Variants in GSAP observed in about 807,000 individuals in gnomAD.
GSAP encodes the protein gamma-secretase-activating protein.
A neutral mutation model predicts 131.7 loss-of-function variants in GSAP; 118 were observed. The observed-to-expected ratio is 0.90, with a 90% CI of 0.77 to 1.04. The LOEUF (loss-of-function observed/expected upper bound fraction) is 1.04, where lower values mean the gene tolerates loss of function less well. Ranked by LOEUF, GSAP falls within the 50% of genes least tolerant of loss-of-function variation. The pLI is 0.00. For synonymous variants in GSAP, 381 were observed against 363.4 expected (o/e 1.05, Z -0.55); for missense variants, 1,019 against 1,013.2 (o/e 1.01, Z -0.08).
chr7:77,398,431 A>C (rs1189860012), intron 3 of GSAP, among the ~76,000 whole-genome samples: 1 of 152,188 alleles, frequency 6.6e-6, no homozygotes, highest in African/African-American at 2.4e-5. Flanking sequence ...TACTAAGAAG[A>C]ATCTAATTCT....
At chr7:77,367,908 T>C (rs1002829464) in intron 12 of GSAP, among the ~76,000 whole-genome samples, 2 of 152,204 alleles carry the variant, frequency 1.3e-5, no homozygotes, top group African/African-American at 4.8e-5. Flanking sequence ...AGGGAATCAA[T>C]TTCTTCCTGG....
In GSAP at chr7:77,330,270, C is replaced by T. The variant is rs1398120845; in HGVS notation, c.1643G>A (p.Arg548Lys). The T allele has an allele frequency of 1.9e-6, 3 of 1,613,582 alleles. No individual in the cohort carries two copies. In the Admixed American group the frequency reaches 5.0e-5, roughly 27 times the overall value. The change falls in exon 20 of 31, where the codon AGG becomes AAG. Residue 548 changes from arginine to lysine, a missense_variant. Arg to Lys is a conservative substitution (Grantham distance 26). Transcript: ENST00000257626. ...PHFHYNNSVV[R>K]REWHNLISEE... ...AGAGATCAGGTTGTGCCACTCTCTC[C>T]TGACCACACTGTTGTTATAGTGGAA... is the stretch of plus-strand genomic sequence containing the variant.
At chr7:77,394,178 A>C (rs1236903841) in intron 5 of GSAP, among the ~76,000 whole-genome samples, 2 of 152,086 alleles carry the variant, frequency 1.3e-5, no homozygotes, top group Non-Finnish European at 2.9e-5. Context: ...ATCTCTTCCA[A>C]TTTTACTAGG....
At chr7:77,320,591 A>G in intron 26 of GSAP, 134 bp downstream of exon 26, 1 of 631,290 alleles carries the variant, frequency 1.6e-6, no homozygotes, top group East Asian at 2.7e-5. Flanking sequence ...AGGGCCCATC[A>G]CTCACAGTAA....
intron 1 of GSAP, among the ~76,000 whole-genome samples, chr7:77,407,879 T>C (rs1174358580): frequency 6.6e-6 from 1 of 152,212 alleles, no homozygotes; most frequent in African/African-American, 2.4e-5. Context: ...AAGTGAAGAA[T>C]GAATAAATTG....
At chr7:77,381,991 T>C (rs61238375) in intron 7 of GSAP, among the ~76,000 whole-genome samples, 42 of 150,038 alleles carry the variant, frequency 2.8e-4, no homozygotes, top group African/African-American at 1.0e-3. Flanking sequence ...AACTATAAAC[T>C]AGCAGTTTCA....
intron 1 of GSAP, among the ~76,000 whole-genome samples, chr7:77,413,901 T>C: frequency 6.6e-6 from 1 of 152,132 alleles, no homozygotes; most frequent in Non-Finnish European, 1.5e-5. Context: ...GTTAAAATAT[T>C]CTTTTATGTA....
chr7:77,355,242 C>A lies in GSAP; in HGVS notation c.1309G>T (p.Gly437Cys), dbSNP rs772643433. 2 of 1,613,558 alleles carry A rather than the reference C, an allele frequency of 1.2e-6. No individual in the cohort carries two copies. The highest frequency in any genetic ancestry group is 1.7e-5 in the Admixed American group (1 of 59,998). ...MAALHCALYCGQGAQFLEAQI... is the reference protein window; with the variant it reads ...MAALHCALYCCQGAQFLEAQI... ...GCTTCCAGGAACTGCGCACCTTGAC[C>A]GCAGTAGAGCGCGCAGTGCAACGCA... Residue 437 changes from glycine (G) to cysteine (C), a missense_variant, in exon 16 of 31, where the codon GGT becomes TGT. Coordinates refer to ENST00000257626, the MANE Select transcript of GSAP (RefSeq NM_017439.4).
chr7:77,404,125 C>G (rs1293060857), intron 3 of GSAP, among the ~76,000 whole-genome samples: 1 of 152,210 alleles, frequency 6.6e-6, no homozygotes, highest in Admixed American at 6.5e-5. Flanking sequence ...AAGCAGCACA[C>G]AGGGCACAAG....
chr7:77,389,520 G>A (rs1352849166), intron 5 of GSAP, among the ~76,000 whole-genome samples: 1 of 148,762 alleles, frequency 6.7e-6, no homozygotes, highest in Admixed American at 6.8e-5. Flanking sequence ...ACCTATGAGT[G>A]AGAACACGCG....
intron 19 of GSAP, among the ~76,000 whole-genome samples, chr7:77,334,880 C>G (rs987207948): frequency 6.6e-6 from 1 of 150,922 alleles, no homozygotes. Context: ...GTCAGGAGAT[C>G]GAGACCTTCC....
chr7:77,346,944 C>G (rs1351410871), intron 19 of GSAP, among the ~76,000 whole-genome samples: 1 of 148,236 alleles, frequency 6.7e-6, no homozygotes, highest in Admixed American at 6.8e-5. Flanking sequence ...ACCACCACCC[C>G]CCGCCCCACC....
intron 8 of GSAP, among the ~76,000 whole-genome samples, chr7:77,379,440 T>C (rs1797463435): frequency 6.6e-6 from 1 of 151,890 alleles, no homozygotes; most frequent in South Asian, 2.1e-4. Context: ...CCTTTAAGAA[T>C]GAAGGCAGAA....
chr7:77,379,160 G>A (rs776182317), intron 8 of GSAP, among the ~76,000 whole-genome samples: 8 of 151,946 alleles, frequency 5.3e-5, no homozygotes, highest in East Asian at 1.9e-4. Flanking sequence ...TCTGAGAACC[G>A]TTCCAGGTAA....
At chr7:77,327,150 C>CT (rs1258589465) in intron 22 of GSAP, 3 of 152,204 alleles carry the variant, frequency 2.0e-5, no homozygotes, top group Non-Finnish European at 2.9e-5. Flanking sequence ...CAGTGACATT[C>CT]TTTATGGGGA....
intron 7 of GSAP, among the ~76,000 whole-genome samples, chr7:77,381,705 CAG>C (rs1004566967): frequency 3.9e-5 from 6 of 152,072 alleles, no homozygotes; most frequent in Non-Finnish European, 8.8e-5. Context: ...GCTTACTTAG[CAG>C]AGTTTATTCT....
In GSAP at chr7:77,406,141, G is replaced by A. The variant is rs953299434; in HGVS notation, c.110-36C>T. ...AATAGGAGGTTAATACTCAGCAGAAGATGGTTAAAAACATATCTAACCAAT... is the reference window on the plus strand; with the variant it reads ...AATAGGAGGTTAATACTCAGCAGAAAATGGTTAAAAACATATCTAACCAAT... On this transcript the variant is annotated intron_variant, in intron 1 of 30. Coordinates refer to ENST00000257626, the MANE Select transcript of GSAP (RefSeq NM_017439.4). 2.6e-6 allele frequency: 3 copies of A among 1,153,706 alleles called. No individual in the cohort carries two copies. The East Asian group carries it at 1.6e-4, about 63-fold the overall frequency. 71.5% of individuals were successfully genotyped at this position (1,153,706 alleles called of 1,614,324 possible).
At chr7:77,364,248 T>C (rs1018758179) in intron 12 of GSAP, among the ~76,000 whole-genome samples, 1 of 152,100 alleles carries the variant, frequency 6.6e-6, no homozygotes, top group Admixed American at 6.5e-5. Flanking sequence ...AATATATTCA[T>C]ACCTGTTCAC....
chr7:77,362,476 G>T, intron 13 of GSAP, 107 bp downstream of exon 13: 1 of 644,820 alleles, frequency 1.6e-6, no homozygotes, highest in Admixed American at 2.6e-5. Flanking sequence ...GACAAAGGGA[G>T]ACCCTGTCTC....
Sources: allele counts gnomAD v4.1 joint callset (sites outside exome capture counted in the v4.1 genomes callset), GRCh38; gene constraint gnomAD v4.1.1; transcripts MANE v1.5; gene names NCBI Gene and HGNC (gene_info 2026-07-23, HGNC 2026-07-21).